HARS1: variants seen among roughly 807,000 people sequenced by gnomAD.
HARS1 encodes histidyl-tRNA synthetase 1.
HARS1 carries 45 observed loss-of-function variants against 63.6 expected under a neutral mutation model. The ratio of observed to expected loss-of-function variants is 0.71; its 90% confidence interval spans 0.56 to 0.91. The LOEUF (loss-of-function observed/expected upper bound fraction) is 0.91, where lower values mean the gene tolerates loss of function less well. HARS1 is among the 40% of genes least tolerant of loss of function. The pLI, the probability that HARS1 is intolerant of heterozygous loss-of-function variation, is 0.00. For missense variants in HARS1, 508 were observed against 643.2 expected, an observed-to-expected ratio of 0.79 and a Z score of 2.27; for synonymous variants, 205 against 247.1, an observed-to-expected ratio of 0.83 and a Z score of 1.60.
In HARS1 at chr5:140,674,136, G is replaced by C; in HGVS notation, c.*121C>G. The C allele has an allele frequency of 1.3e-6, 1 of 758,730 alleles. No homozygotes were observed. The highest frequency in any genetic ancestry group is 2.5e-5 in the East Asian group (1 of 39,942). The allele number at this position is 758,730 out of a possible 1,614,324, so 47.0% of individuals were successfully genotyped here. On this transcript the variant is annotated 3_prime_UTR_variant, in exon 13 of 13. Coordinates refer to ENST00000504156, the MANE Select transcript of HARS1 (RefSeq NM_002109.6). ...TAATAAAAATCAAAGGCTCTGTTCT[G>C]ACCACTCTTCAGGTCTTCCGCTGAA...
chr5:140,674,644 C>T (rs373652827), intron 12 of HARS1, 35 bp downstream of exon 12: 1 of 1,613,008 alleles, frequency 6.2e-7, no homozygotes, highest in Non-Finnish European at 8.5e-7. Context: ...GGCATACATT[C>T]TCTGTCCCTT....
chr5:140,679,187 T>A lies in HARS1; in HGVS notation c.397-60A>T. The A allele has an allele frequency of 3.2e-6, 5 of 1,577,474 alleles. No homozygotes were observed. The highest frequency in any genetic ancestry group is 4.3e-6 in the Non-Finnish European group (5 of 1,150,374). On this transcript the variant is annotated intron_variant, in intron 4 of 12. Coordinates refer to ENST00000504156, the MANE Select transcript of HARS1 (RefSeq NM_002109.6). This position sits in a 1 kb window ranked among gnomAD's most constrained non-coding sequence, Gnocchi z 4.3. ...ATCACTGTCTGCAAGTTGATTATCA[T>A]CACCAACAGAAGCTGGGGTCTAACC...
chr5:140,688,236 T>A (rs1464267600), intron 2 of HARS1, among the ~76,000 whole-genome samples: 1 of 152,248 alleles, frequency 6.6e-6, no homozygotes, highest in East Asian at 1.9e-4. Context: ...AATACTAAAA[T>A]GGATATTAAC....
At chr5:140,675,222 C>T in intron 10 of HARS1, 89 bp from the exon 11 acceptor site, 1 of 821,892 alleles carries the variant, frequency 1.2e-6, no homozygotes, top group Non-Finnish European at 2.1e-6. Context: ...AGACCAGGCC[C>T]AACTCAGCTC....
intron 2 of HARS1, 92 bp from the exon 3 acceptor site, chr5:140,683,311 G>T (rs76999025): frequency 7.4e-7 from 1 of 1,343,876 alleles, no homozygotes; most frequent in South Asian, 1.3e-5. Flanking sequence ...CCTCAATAAT[G>T]AAAAAGCAAA....
chr5:140,688,368 T>C (rs1028712876), intron 2 of HARS1, among the ~76,000 whole-genome samples: 6 of 152,118 alleles, frequency 3.9e-5, no homozygotes, highest in Non-Finnish European at 5.9e-5. Flanking sequence ...CTGCTATTCT[T>C]ATTTCATTTA....
At position 140,674,263 on chromosome 5, in the gene HARS1, G is replaced by T; in HGVS notation, c.1524C>A (p.Ile508=). 6.2e-7 allele frequency: 1 copy of T among 1,601,018 alleles called. No homozygotes were observed. The highest frequency in any genetic ancestry group is 8.6e-7 in the Non-Finnish European group (1 of 1,167,940). The change falls in exon 13 of 13, where the codon ATC becomes ATA. Residue 508 remains isoleucine, a synonymous_variant. Coordinates refer to ENST00000504156, the MANE Select transcript of HARS1 (RefSeq NM_002109.6). ...CTCTGATAGTTTGTTCAGTTCAGCA[G>T]ATGCAGAGGGGCTGGCCTGTTCTCC... ...IKRRTGQPLC[I]C
chr5:140,675,534 C>G (rs1005511793), intron 10 of HARS1: 4 of 152,004 alleles, frequency 2.6e-5, no homozygotes, highest in African/African-American at 9.9e-5. Context: ...CAGGCACACA[C>G]CACCATACTC....
chr5:140,683,084 C>T lies in HARS1; in HGVS notation c.300+16G>A. On this transcript the variant is annotated intron_variant, in intron 3 of 12. Transcript: ENST00000504156. ...CCACTCATCTACCATGTAGTTTCTT[C>T]TTGCCCATTCCTCACCTTTAGTTCA... The T allele has an allele frequency of 6.2e-7, 1 of 1,611,290 alleles. No homozygotes were observed. The highest frequency in any genetic ancestry group is 8.5e-7 in the Non-Finnish European group (1 of 1,177,960).
chr5:140,683,014 T>C, intron 3 of HARS1, 86 bp downstream of exon 3: 2 of 1,312,834 alleles, frequency 1.5e-6, no homozygotes, highest in Non-Finnish European at 2.2e-6. Context: ...GTGGGCCCTT[T>C]GGACCCTCAC....
At chr5:140,683,284 G>A (rs1562018792) in intron 2 of HARS1, 65 bp from the exon 3 acceptor site, 8 of 1,545,820 alleles carry the variant, frequency 5.2e-6, no homozygotes, top group Non-Finnish European at 7.1e-6. Flanking sequence ...ATATGTTTTG[G>A]AAATATAAAA....
At chr5:140,691,113 A>C (rs1184035880) in intron 1 of HARS1, 102 bp downstream of exon 1, 1 of 1,005,606 alleles carries the variant, frequency 9.9e-7, no homozygotes, top group African/African-American at 1.6e-5. Flanking sequence ...TCCCTACAAG[A>C]CTGGTCGCTT....
intron 2 of HARS1, among the ~76,000 whole-genome samples, chr5:140,690,195 T>C (rs1759300238): frequency 6.6e-6 from 1 of 152,198 alleles, no homozygotes; most frequent in South Asian, 2.1e-4. Flanking sequence ...CACACGTCTG[T>C]AATCCCAGCA....
At chr5:140,688,183 C>T (rs949331451) in intron 2 of HARS1, among the ~76,000 whole-genome samples, 3 of 152,112 alleles carry the variant, frequency 2.0e-5, no homozygotes, top group Non-Finnish European at 4.4e-5. Flanking sequence ...ATGAAGATCC[C>T]TTGAAAGAGT....
At chr5:140,677,594 T>G in intron 7 of HARS1, 61 bp downstream of exon 7, 1 of 1,246,562 alleles carries the variant, frequency 8.0e-7, no homozygotes, top group Non-Finnish European at 1.2e-6. Context: ...CTCAATCTTG[T>G]TTTCCATTTC....
At position 140,691,252 on chromosome 5, in the gene HARS1, A is replaced by T; in HGVS notation, c.53T>A (p.Val18Glu). The change falls in exon 1 of 13, where the codon GTG becomes GAG. Residue 18 changes from valine (V) to glutamate (E), a missense_variant. Val to Glu is a moderately radical substitution (Grantham distance 121). Around this residue, in one of 2 missense-constraint regions of HARS1, gnomAD observed 105 missense variants for 94.5 expected, o/e 1.11. Transcript: ENST00000504156. ...EELVKLQGER[V>E]RGLKQQKASA... is the part of the protein sequence containing the mutation. Reference sequence around the variant, plus strand: ...GGCCTTCTGCTGCTTGAGGCCTCGCACGCGCTCTCCCTGAAGTTTCACCAG... The same window carrying T: ...GGCCTTCTGCTGCTTGAGGCCTCGCTCGCGCTCTCCCTGAAGTTTCACCAG... The T allele has an allele frequency of 6.2e-7, 1 of 1,608,446 alleles. No individual in the cohort carries two copies. The highest frequency in any genetic ancestry group is 1.1e-5 in the South Asian group (1 of 90,954).
intron 7 of HARS1, 82 bp downstream of exon 7, chr5:140,677,573 C>A (rs1758457798): frequency 1.8e-6 from 2 of 1,102,774 alleles, no homozygotes; most frequent in Non-Finnish European, 2.8e-6. Flanking sequence ...GAGGCATGCA[C>A]CTCTCTCTCT....
intron 7 of HARS1, 54 bp downstream of exon 7, chr5:140,677,601 T>C: frequency 1.6e-6 from 2 of 1,286,892 alleles, no homozygotes; most frequent in East Asian, 2.3e-5. Flanking sequence ...TTGTTTTCCA[T>C]TTCCCAAGGC....
intron 2 of HARS1, chr5:140,683,541 C>T (rs1178485970): frequency 8.1e-5 from 87 of 1,076,448 alleles, no homozygotes; most frequent in Non-Finnish European, 9.5e-5. Flanking sequence ...ATAACAAACA[C>T]CTACCTGAGG....
Sources: allele counts gnomAD v4.1 joint callset (sites outside exome capture counted in the v4.1 genomes callset), GRCh38; gene constraint gnomAD v4.1.1; regional missense constraint gnomAD v4.1.1; non-coding constraint Gnocchi (gnomAD v3.1); transcripts MANE v1.5; gene names NCBI Gene and HGNC (gene_info 2026-07-23, HGNC 2026-07-21).